AGAP3: variants seen among roughly 807,000 people sequenced by gnomAD.
AGAP3 encodes arf-GAP with GTPase, ANK repeat and PH domain-containing protein 3.
In AGAP3, 24 loss-of-function variants were observed where a neutral mutation model predicts 96.9. That is an observed-to-expected ratio of 0.25 (90% CI 0.18 to 0.35). The LOEUF is 0.35. Among genes scored for constraint, AGAP3 ranks in the 10% least tolerant of loss-of-function variants. The pLI, the probability that AGAP3 is intolerant of heterozygous loss-of-function variation, is 1.00. For synonymous variants in AGAP3, 563 were observed against 536.1 expected (o/e 1.05, Z -0.69); for missense variants, 876 against 1,254.2 (o/e 0.70, Z 4.55).
intron 2 of AGAP3, 63 bp downstream of exon 2, chr7:151,116,914 G>C (rs577125345): frequency 2.5e-6 from 4 of 1,598,406 alleles, no homozygotes; most frequent in South Asian, 1.1e-5. Flanking sequence ...TGGGTGCCGC[G>C]GGCCTGGGCC....
intron 1 of AGAP3, among the ~76,000 whole-genome samples, chr7:151,105,443 T>C (rs1018172659): frequency 2.6e-5 from 4 of 152,120 alleles, no homozygotes; most frequent in African/African-American, 9.7e-5. Flanking sequence ...CATACAAATT[T>C]GTATCTGACT....
chr7:151,144,391 A>ATG lies in AGAP3; in HGVS notation c.*458_*459dup, dbSNP rs1189078015. On this transcript the variant is annotated 3_prime_UTR_variant, in exon 18 of 18. Transcript: ENST00000397238. Reference sequence around the variant, plus strand: ...ATATTTATGTTTGTGTACATATTTGATGTGTGTGTGTATGATGAGCCAATA... The same window carrying ATG: ...ATATTTATGTTTGTGTACATATTTGATGTGTGTGTGTGTATGATGAGCCAATA... 5.7e-5 allele frequency: 11 copies of ATG among 194,382 alleles called. No homozygotes were observed. The East Asian group carries it at 1.4e-3, about 25-fold the overall frequency. The allele number at this position is 194,382 out of a possible 1,614,324, so 12.0% of individuals were successfully genotyped here. A position where few individuals can be genotyped will look rare whatever the true frequency, so the allele number is the denominator to read the frequency against.
At chr7:151,092,557 T>C (rs536175544) in intron 1 of AGAP3, among the ~76,000 whole-genome samples, 1 of 152,308 alleles carries the variant, frequency 6.6e-6, no homozygotes, top group Admixed American at 6.5e-5. Flanking sequence ...GTGGTGCATG[T>C]TCCACCCGTG....
intron 1 of AGAP3, among the ~76,000 whole-genome samples, chr7:151,092,484 C>T (rs1207208184): frequency 6.6e-6 from 1 of 152,164 alleles, no homozygotes; most frequent in East Asian, 1.9e-4. Flanking sequence ...TATTTTGGAG[C>T]GCAGAGTTGA....
chr7:151,123,419 A>G, intron 8 of AGAP3: 2 of 1,090,700 alleles, frequency 1.8e-6, no homozygotes, highest in South Asian at 5.7e-5. Flanking sequence ...CTGCCCGCTC[A>G]CTTGTGGACT....
chr7:151,105,555 A>G (rs1407250534), intron 1 of AGAP3, among the ~76,000 whole-genome samples: 3 of 151,262 alleles, frequency 2.0e-5, no homozygotes, highest in Admixed American at 2.0e-4. Context: ...CAGGAGTTTG[A>G]GACCACTGTG....
rs367550525 is a variant in AGAP3 at position 151,117,476 on chromosome 7, T to C, written c.564+20T>C. 29 of 1,613,972 alleles carry C rather than the reference T, an allele frequency of 1.8e-5. No individual in the cohort carries two copies. Among genetic ancestry groups the C allele is most frequent in the African/African-American group, 5.3e-5 (4 of 75,002 alleles). ...CTCCAGGTGATGCTCCTGCCCAGGG[T>C]TAGGGCCCACCGCTGTGCCTGGAGC... On this transcript the variant is annotated intron_variant, in intron 4 of 17. Transcript: ENST00000397238.
intron 1 of AGAP3, among the ~76,000 whole-genome samples, chr7:151,111,434 C>T (rs557787032): frequency 6.6e-6 from 1 of 152,226 alleles, no homozygotes; most frequent in South Asian, 2.1e-4. Flanking sequence ...GCAGCGGGCA[C>T]AGCCAGGGCT....
intron 1 of AGAP3, among the ~76,000 whole-genome samples, chr7:151,113,205 G>A (rs1799375864): frequency 6.6e-6 from 1 of 152,194 alleles, no homozygotes; most frequent in African/African-American, 2.4e-5. Context: ...ACGTTGGCCG[G>A]CTTCACTGAG....
intron 1 of AGAP3, among the ~76,000 whole-genome samples, chr7:151,100,474 G>C (rs1177229173): frequency 6.6e-6 from 1 of 152,136 alleles, no homozygotes; most frequent in African/African-American, 2.4e-5. Flanking sequence ...CGCCAGTGTC[G>C]GGATTGCTCA....
intron 9 of AGAP3, among the ~76,000 whole-genome samples, chr7:151,126,164 G>A (rs931847519): frequency 1.3e-5 from 2 of 152,132 alleles, no homozygotes; most frequent in African/African-American, 4.8e-5. Context: ...GCGTTGCCGA[G>A]GACGGGGGCG....
At position 151,144,273 on chromosome 7, in the gene AGAP3, C is replaced by G. The variant is rs1800935580; in HGVS notation, c.*330C>G. ...TGCCAGCCCCTCACACGCCTTCATCCTGAAACAGGAAGAGGACGGCACCAA... is the reference window on the plus strand; with the variant it reads ...TGCCAGCCCCTCACACGCCTTCATCGTGAAACAGGAAGAGGACGGCACCAA... On this transcript the variant is annotated 3_prime_UTR_variant, in exon 18 of 18. Transcript: ENST00000397238. 2.8e-6 allele frequency: 1 copy of G among 353,530 alleles called. No individual in the cohort carries two copies. The highest frequency in any genetic ancestry group is 2.1e-5 in the African/African-American group (1 of 48,470). 21.9% of individuals were successfully genotyped at this position (353,530 alleles called of 1,614,324 possible).
chr7:151,123,963 C>A, intron 9 of AGAP3, 77 bp downstream of exon 9: 1 of 1,434,764 alleles, frequency 7.0e-7, no homozygotes, highest in Non-Finnish European at 9.6e-7. Flanking sequence ...GGCCTCTTCT[C>A]AGGCCTCTGT....
rs895123833 is a variant in AGAP3, at chr7:151,142,772, G to A, written c.2273+138G>A. ...TGCTCTGCTTGGCAGTTGGCCCCTT[G>A]GGGGTGCCCCTCCTGCTCTGGTGCC... On this transcript the variant is annotated intron_variant, in intron 16 of 17. Transcript: ENST00000397238. This position sits in a 1 kb window ranked among gnomAD's most constrained non-coding sequence, Gnocchi z 7.5. 5.9e-5 allele frequency: 55 copies of A among 935,208 alleles called. No homozygotes were observed. Among genetic ancestry groups the A allele is most frequent in the Admixed American group, 1.8e-4 (7 of 39,880 alleles). 57.9% of individuals were successfully genotyped at this position (935,208 alleles called of 1,614,324 possible).
rs1354321904 is a variant in AGAP3, at chr7:151,118,865, T to G, written c.969+233T>G. Among the ~76,000 whole-genome samples, 4 of 152,162 alleles carry G rather than the reference T, an allele frequency of 2.6e-5. No individual in the cohort carries two copies. Among genetic ancestry groups the G allele is most frequent in the Admixed American group, 6.5e-5 (1 of 15,270 alleles). ...CTTCCCGCTGCAATCCCCACTTCTC[T>G]CTGCTCTCCACCATTCCACAGCCTG... On this transcript the variant is annotated intron_variant, in intron 7 of 17. Transcript: ENST00000397238. The surrounding 1 kb of genome is among the most constrained non-coding windows in gnomAD (Gnocchi z 6.1).
At chr7:151,107,241 C>T (rs1422219624) in intron 1 of AGAP3, among the ~76,000 whole-genome samples, 1 of 148,448 alleles carries the variant, frequency 6.7e-6, no homozygotes, top group Non-Finnish European at 1.5e-5. Flanking sequence ...ACCCGGGAGG[C>T]GGAGGTTGTA....
intron 1 of AGAP3, among the ~76,000 whole-genome samples, chr7:151,104,877 A>G (rs1798980180): frequency 6.6e-6 from 1 of 152,160 alleles, no homozygotes; most frequent in Non-Finnish European, 1.5e-5. Context: ...CGGACAGAAC[A>G]TGCATACTGT....
At chr7:151,093,553 C>T (rs1400954692) in intron 1 of AGAP3, among the ~76,000 whole-genome samples, 1 of 152,244 alleles carries the variant, frequency 6.6e-6, no homozygotes, top group Non-Finnish European at 1.5e-5. Context: ...TGCCCGGCCT[C>T]CCCTCTCCTG....
intron 9 of AGAP3, among the ~76,000 whole-genome samples, chr7:151,124,408 G>A (rs55816533): frequency 0.15 from 23,204 of 152,220 alleles, 2,408 homozygotes; most frequent in East Asian, 0.36. Context: ...CCACACCTCC[G>A]GTCTTGGATT....
Sources: allele counts gnomAD v4.1 joint callset (sites outside exome capture counted in the v4.1 genomes callset), GRCh38; gene constraint gnomAD v4.1.1; non-coding constraint Gnocchi (gnomAD v3.1); transcripts MANE v1.5; gene names NCBI Gene and HGNC (gene_info 2026-07-23, HGNC 2026-07-21).